Variants in TMOD1 observed in about 807,000 individuals in gnomAD.
TMOD1 encodes tropomodulin 1.
In TMOD1, 17 loss-of-function variants were observed where a neutral mutation model predicts 40.6. The ratio of observed to expected loss-of-function variants is 0.42; its 90% confidence interval spans 0.29 to 0.63. TMOD1 has a LOEUF of 0.63. Among genes scored for constraint, TMOD1 ranks in the 20% least tolerant of loss-of-function variants. TMOD1 has a pLI of 0.22. For synonymous variants in TMOD1, 181 were observed against 175.0 expected (o/e 1.03, Z -0.27); for missense variants, 391 against 447.6 (o/e 0.87, Z 1.14).
At chr9:97,563,115 A>T (rs577078368) in intron 5 of TMOD1, among the ~76,000 whole-genome samples, 39 of 152,298 alleles carry the variant, frequency 2.6e-4, no homozygotes, top group Admixed American at 2.3e-3. Context: ...GTGCATTGGC[A>T]CAATCTTGAC....
At position 97,601,152 on chromosome 9, in the gene TMOD1, C is replaced by T. The variant is rs1826249502; in HGVS notation, c.*1454C>T. On this transcript the variant is annotated 3_prime_UTR_variant, in exon 10 of 10. Coordinates refer to ENST00000259365, the MANE Select transcript of TMOD1 (RefSeq NM_003275.4). ...ATGGCCCAGGAGTGGCACCATGTTG[C>T]AGGGACAACCATCCCCATTTGGCTT... 3.1e-6 allele frequency: 4 copies of T among 1,302,600 alleles called. No homozygotes were observed. The highest frequency in any genetic ancestry group is 5.5e-5 in the East Asian group (1 of 18,032). 80.7% of individuals were successfully genotyped at this position (1,302,600 alleles called of 1,614,324 possible). A position where few individuals can be genotyped will look rare whatever the true frequency, so the allele number is the denominator to read the frequency against.
chr9:97,595,429 A>G (rs149574306), intron 9 of TMOD1, among the ~76,000 whole-genome samples: 71 of 151,936 alleles, frequency 4.7e-4, no homozygotes, highest in African/African-American at 9.4e-4. Flanking sequence ...TATGAGGTCA[A>G]TTGTTTTAGA....
chr9:97,566,021 G>A, intron 7 of TMOD1, 66 bp downstream of exon 7: 1 of 1,412,990 alleles, frequency 7.1e-7, no homozygotes, highest in South Asian at 1.2e-5. Context: ...TGAAATATGT[G>A]GCCTCAGGAC....
intron 4 of TMOD1, among the ~76,000 whole-genome samples, chr9:97,559,786 A>AT: frequency 1.8e-5 from 1 of 56,498 alleles, no homozygotes. Flanking sequence ...AAAAAAAAAA[A>AT]AAAAAAAAAT....
At chr9:97,524,081 A>G (rs1485779544) in intron 1 of TMOD1, 60 bp from the exon 2 acceptor site, 12 of 1,349,600 alleles carry the variant, frequency 8.9e-6, no homozygotes, top group African/African-American at 1.5e-5. Context: ...ATGAGCCTCC[A>G]TTTGCTCTGA....
intron 4 of TMOD1, chr9:97,555,418 C>G: frequency 2.2e-6 from 3 of 1,379,640 alleles, no homozygotes; most frequent in Non-Finnish European, 2.8e-6. Flanking sequence ...AAATGACTGC[C>G]GGCGCCTGCG....
In TMOD1 at chr9:97,524,286, A is replaced by G; in HGVS notation, c.98A>G (p.Glu33Gly). The G allele has an allele frequency of 6.2e-7, 1 of 1,614,094 alleles. No homozygotes were observed. The highest frequency in any genetic ancestry group is 8.5e-7 in the Non-Finnish European group (1 of 1,179,984). ...TEEELRTLEN[E>G]LDELDPDNAL... ...GAAGAGCTGAGGACCCTGGAAAATG[A>G]GCTGGATGAGCTGGACCCTGATGTG... Residue 33 changes from glutamate (E) to glycine (G), a missense_variant, in exon 2 of 10, where the codon GAG (glutamate) becomes GGG (glycine). Coordinates refer to ENST00000259365, the MANE Select transcript of TMOD1 (RefSeq NM_003275.4).
intron 8 of TMOD1, among the ~76,000 whole-genome samples, chr9:97,589,953 C>T (rs1014097111): frequency 6.6e-6 from 1 of 151,978 alleles, no homozygotes. Context: ...CTCCCCAAAT[C>T]CCACCATTAT....
intron 1 of TMOD1, among the ~76,000 whole-genome samples, chr9:97,522,757 C>T (rs1829937187): frequency 6.6e-6 from 1 of 151,960 alleles, no homozygotes; most frequent in African/African-American, 2.4e-5. Context: ...GAGGCAGGAT[C>T]TCACTGTGTT....
intron 8 of TMOD1, 128 bp from the exon 9 acceptor site, chr9:97,591,163 T>C: frequency 3.0e-6 from 3 of 994,364 alleles, no homozygotes; most frequent in Non-Finnish European, 4.3e-6. Context: ...ATTTCCCTAC[T>C]CTTGGAGAGG....
chr9:97,551,315 C>T (rs544261505), intron 3 of TMOD1, among the ~76,000 whole-genome samples: 14 of 152,198 alleles, frequency 9.2e-5, no homozygotes, highest in South Asian at 4.1e-4. Context: ...TGAGCCACTG[C>T]GCCCAGCCTG....
At chr9:97,573,949 A>C (rs1830864538) in intron 8 of TMOD1, among the ~76,000 whole-genome samples, 1 of 152,212 alleles carries the variant, frequency 6.6e-6, no homozygotes, top group Admixed American at 6.5e-5. Flanking sequence ...GGGGAGGATC[A>C]AAGAATTTTG....
chr9:97,578,652 A>C (rs1825672952), intron 8 of TMOD1, among the ~76,000 whole-genome samples: 1 of 152,132 alleles, frequency 6.6e-6, no homozygotes, highest in Non-Finnish European at 1.5e-5. Context: ...ACTTCCATCT[A>C]CACATGGATT....
chr9:97,507,778 G>T (rs911576398), intron 1 of TMOD1, among the ~76,000 whole-genome samples: 1 of 152,122 alleles, frequency 6.6e-6, no homozygotes, highest in Non-Finnish European at 1.5e-5. Flanking sequence ...GAAAGGGGGG[G>T]ACAAGATGAA....
intron 8 of TMOD1, among the ~76,000 whole-genome samples, chr9:97,582,359 ATC>A (rs1235721378): frequency 1.4e-5 from 2 of 146,018 alleles, no homozygotes; most frequent in Non-Finnish European, 3.0e-5. Flanking sequence ...ATTGATCTAT[ATC>A]TCTGTTTTGG....
chr9:97,536,099 C>T (rs886492775), intron 2 of TMOD1, among the ~76,000 whole-genome samples: 2 of 152,186 alleles, frequency 1.3e-5, no homozygotes, highest in East Asian at 3.9e-4. Context: ...AAGAGCGCTC[C>T]ACTGCATCAT....
intron 2 of TMOD1, among the ~76,000 whole-genome samples, chr9:97,540,345 A>C (rs1412814219): frequency 6.6e-6 from 1 of 152,210 alleles, no homozygotes; most frequent in Non-Finnish European, 1.5e-5. Context: ...GTGTGTTCTC[A>C]CGGTGACTGG....
At chr9:97,570,487 A>T (rs1830801172) in intron 8 of TMOD1, among the ~76,000 whole-genome samples, 1 of 151,760 alleles carries the variant, frequency 6.6e-6, no homozygotes, top group Non-Finnish European at 1.5e-5. Flanking sequence ...TATTTACACT[A>T]TGGAAATTGG....
intron 2 of TMOD1, among the ~76,000 whole-genome samples, chr9:97,531,019 C>T (rs1051503679): frequency 4.2e-5 from 5 of 120,024 alleles, no homozygotes; most frequent in African/African-American, 1.6e-4. Flanking sequence ...AACTCCTGAC[C>T]TTAGGTGATC....
Sources: allele counts gnomAD v4.1 joint callset (sites outside exome capture counted in the v4.1 genomes callset), GRCh38; gene constraint gnomAD v4.1.1; transcripts MANE v1.5; gene names NCBI Gene and HGNC (gene_info 2026-07-23, HGNC 2026-07-21).